The following FARSB variants were observed in gnomAD, a reference collection of about 807,000 sequenced individuals.
The protein encoded by FARSB is phenylalanyl-tRNA synthetase subunit beta, also known as phenylalanine--tRNA ligase beta subunit.
A neutral mutation model predicts 69.6 loss-of-function variants in FARSB; 40 were observed. That is an observed-to-expected ratio of 0.57 (90% CI 0.45 to 0.75). The LOEUF (loss-of-function observed/expected upper bound fraction) is 0.75, where lower values mean the gene tolerates loss of function less well. Among genes scored for constraint, FARSB ranks in the 30% least tolerant of loss-of-function variants. The pLI is 0.00. For missense variants in FARSB, 632 were observed against 722.9 expected (o/e 0.87, Z 1.44); for synonymous variants, 235 against 247.2 (o/e 0.95, Z 0.46).
chr2:222,621,697 T>A (rs1258564374), intron 13 of FARSB, among the ~76,000 whole-genome samples: 1 of 152,166 alleles, frequency 6.6e-6, no homozygotes, highest in African/African-American at 2.4e-5. Context: ...TATGCAGATA[T>A]AGCAAAAATC....
intron 16 of FARSB, among the ~76,000 whole-genome samples, chr2:222,587,237 C>A (rs1690139871): frequency 6.6e-6 from 1 of 152,280 alleles, no homozygotes; most frequent in Middle Eastern, 3.4e-3. Context: ...GGAAACTGGA[C>A]AACGTGCTCC....
chr2:222,591,566 G>T (rs1346437019), intron 16 of FARSB, among the ~76,000 whole-genome samples: 1 of 152,188 alleles, frequency 6.6e-6, no homozygotes, highest in African/African-American at 2.4e-5. Flanking sequence ...AGAAAGAGAA[G>T]AATAAAAATG....
chr2:222,585,479 C>G (rs923062842), intron 16 of FARSB, among the ~76,000 whole-genome samples: 1 of 152,222 alleles, frequency 6.6e-6, no homozygotes, highest in Non-Finnish European at 1.5e-5. Flanking sequence ...CAAAGGAATG[C>G]AGCTCTTCGC....
At position 222,600,167 on chromosome 2, in the gene FARSB, G is replaced by A. The variant is rs1006174074; in HGVS notation, c.1463-84C>T. On this transcript the variant is annotated intron_variant, in intron 15 of 16. Transcript: ENST00000281828. ...TTACCCCAGTACAAACTTAGAAAAAGTCAACAAAAAAGAAAACCAAATATT... is the reference window on the plus strand; with the variant it reads ...TTACCCCAGTACAAACTTAGAAAAAATCAACAAAAAAGAAAACCAAATATT... 4.7e-5 allele frequency: 56 copies of A among 1,183,038 alleles called. No individual in the cohort carries two copies. The Admixed American group carries it at 1.4e-3, about 30-fold the overall frequency. 73.3% of individuals were successfully genotyped at this position (1,183,038 alleles called of 1,614,324 possible).
intron 2 of FARSB, among the ~76,000 whole-genome samples, chr2:222,646,975 G>A (rs1484796013): frequency 9.2e-5 from 14 of 152,172 alleles, no homozygotes; most frequent in Non-Finnish European, 1.5e-5. Context: ...CTGCACCTTG[G>A]ACATAAAAGC....
chr2:222,648,054 G>A (rs918252125), intron 2 of FARSB, among the ~76,000 whole-genome samples: 5 of 152,084 alleles, frequency 3.3e-5, no homozygotes, highest in South Asian at 2.1e-4. Flanking sequence ...CAGAAACCCC[G>A]GCCAGAGGAT....
At chr2:222,592,803 C>T (rs370768207) in intron 16 of FARSB, among the ~76,000 whole-genome samples, 1 of 151,620 alleles carries the variant, frequency 6.6e-6, no homozygotes, top group African/African-American at 2.4e-5. Context: ...TTTCACTTTC[C>T]GTGGTTAACT....
chr2:222,615,654 C>T (rs1290669352), intron 14 of FARSB, among the ~76,000 whole-genome samples: 3 of 152,194 alleles, frequency 2.0e-5, no homozygotes, highest in African/African-American at 7.2e-5. Flanking sequence ...ATGTTCTCTC[C>T]TACAGAGGTT....
chr2:222,596,381 C>T (rs1007941193), intron 16 of FARSB, among the ~76,000 whole-genome samples: 1 of 152,118 alleles, frequency 6.6e-6, no homozygotes, highest in Non-Finnish European at 1.5e-5. Context: ...TACCACCAAA[C>T]AAAGCAGTAC....
At chr2:222,579,333 G>A (rs528537856) in intron 16 of FARSB, among the ~76,000 whole-genome samples, 14 of 152,284 alleles carry the variant, frequency 9.2e-5, no homozygotes, top group African/African-American at 3.4e-4. Flanking sequence ...CAAAACTTAA[G>A]AGAAAATAAG....
chr2:222,577,310 T>C (rs900503051), intron 16 of FARSB, among the ~76,000 whole-genome samples: 1 of 152,224 alleles, frequency 6.6e-6, no homozygotes, highest in Non-Finnish European at 1.5e-5. Context: ...GAAATATTTA[T>C]GGTACCTAAA....
At position 222,602,009 on chromosome 2, in the gene FARSB, A is replaced by C. The variant is rs180867404; in HGVS notation, c.1463-1926T>G. On this transcript the variant is annotated intron_variant, in intron 15 of 16. Transcript: ENST00000281828. ...ATTCCAACAGTCCAAATGAACACTG[A>C]TAACAAACTGGTACATCCATACAGT... Among the ~76,000 whole-genome samples the C allele has an allele frequency of 3.3e-5, 5 of 152,316 alleles. No homozygotes were observed. In the East Asian group the frequency reaches 9.7e-4, roughly 29 times the overall value.
intron 2 of FARSB, 65 bp from the exon 3 acceptor site, chr2:222,643,070 T>TAC (rs1691763815): frequency 2.0e-6 from 2 of 994,042 alleles, no homozygotes; most frequent in East Asian, 5.2e-5. Flanking sequence ...AAAGTAAAAG[T>TAC]TGTCAGCCCT....
chr2:222,653,885 G>A (rs953658603), intron 1 of FARSB, among the ~76,000 whole-genome samples: 17 of 152,058 alleles, frequency 1.1e-4, no homozygotes, highest in African/African-American at 3.9e-4. Context: ...TCCTCCCAAA[G>A]TGCTGTGATT....
At chr2:222,586,727 GACTTT>G (rs1294813962) in intron 16 of FARSB, among the ~76,000 whole-genome samples, 2 of 152,140 alleles carry the variant, frequency 1.3e-5, no homozygotes, top group Non-Finnish European at 2.9e-5. Context: ...TGATAAAACA[GACTTT>G]AAACCAAAAG....
At chr2:222,590,548 CAAAA>C (rs377051875) in intron 16 of FARSB, among the ~76,000 whole-genome samples, 16 of 114,026 alleles carry the variant, frequency 1.4e-4, no homozygotes, top group Admixed American at 1.8e-4. Context: ...CCTTTTAGGC[CAAAA>C]AAAAAAAAAA....
At chr2:222,586,663 G>C (rs986574354) in intron 16 of FARSB, among the ~76,000 whole-genome samples, 10 of 152,044 alleles carry the variant, frequency 6.6e-5, no homozygotes, top group African/African-American at 9.7e-5. Context: ...GATGGAGGAA[G>C]ATCTACCAAG....
At chr2:222,585,810 G>A (rs893532558) in intron 16 of FARSB, among the ~76,000 whole-genome samples, 4 of 152,152 alleles carry the variant, frequency 2.6e-5, no homozygotes, top group Admixed American at 2.6e-4. Flanking sequence ...GAGAAGTTTA[G>A]AGAAAAAAGA....
chr2:222,631,582 A>G (rs746287660), intron 8 of FARSB, 22 bp downstream of exon 8: 4 of 1,326,018 alleles, frequency 3.0e-6, no homozygotes, highest in Non-Finnish European at 4.4e-6. Context: ...TCATACAAAA[A>G]TTGAGTAAAA....
Sources: allele counts gnomAD v4.1 joint callset (sites outside exome capture counted in the v4.1 genomes callset), GRCh38; gene constraint gnomAD v4.1.1; transcripts MANE v1.5; gene names NCBI Gene and HGNC (gene_info 2026-07-23, HGNC 2026-07-21).